Variants in EPHA6 observed in about 807,000 individuals in gnomAD.
EPHA6 encodes EPH receptor A6, also known as ephrin type-A receptor 6.
In EPHA6, 50 loss-of-function variants were observed where a neutral mutation model predicts 112.0. The observed-to-expected ratio is 0.45, with a 90% CI of 0.36 to 0.56. The LOEUF (loss-of-function observed/expected upper bound fraction) is 0.56, where lower values mean the gene tolerates loss of function less well. Among genes scored for constraint, EPHA6 ranks in the 20% least tolerant of loss-of-function variants. The pLI is 0.00. For missense variants in EPHA6, 1,280 were observed against 1,417.4 expected (o/e 0.90, Z 1.56); for synonymous variants, 529 against 490.7 (o/e 1.08, Z -1.03).
At chr3:97,156,226 C>T (rs2076286497) in intron 3 of EPHA6, among the ~76,000 whole-genome samples, 1 of 152,022 alleles carries the variant, frequency 6.6e-6, no homozygotes, top group South Asian at 2.1e-4. Flanking sequence ...TCTTTTAAAT[C>T]AGATGTGGGT....
intron 11 of EPHA6, among the ~76,000 whole-genome samples, chr3:97,585,795 T>C (rs1432465783): frequency 6.6e-6 from 1 of 151,182 alleles, no homozygotes; most frequent in East Asian, 1.9e-4. Flanking sequence ...ATTAGTTTAG[T>C]CAGACTCAGT....
intron 10 of EPHA6, among the ~76,000 whole-genome samples, chr3:97,509,685 A>T (rs2092329049): frequency 6.6e-6 from 1 of 151,812 alleles, no homozygotes; most frequent in African/African-American, 2.4e-5. Flanking sequence ...CTTCTCAAGG[A>T]GTATCTTTGT....
At chr3:97,314,902 C>A (rs184783240) in intron 5 of EPHA6, among the ~76,000 whole-genome samples, 2,773 of 151,740 alleles carry the variant, frequency 0.018, 30 homozygotes, top group Non-Finnish European at 0.032. Flanking sequence ...CCAGCTGCAT[C>A]TTTATCTAGC....
chr3:97,587,250 A>T (rs1374466727), intron 11 of EPHA6, among the ~76,000 whole-genome samples: 2 of 152,104 alleles, frequency 1.3e-5, no homozygotes, highest in Admixed American at 1.3e-4. Context: ...CAAAAAAAAA[A>T]AAAGAAACTA....
intron 6 of EPHA6, among the ~76,000 whole-genome samples, chr3:97,405,518 A>G (rs1336223075): frequency 2.0e-5 from 3 of 151,916 alleles, no homozygotes; most frequent in African/African-American, 4.8e-5. Context: ...GTCATGACCT[A>G]CTCTAGAGAG....
intron 2 of EPHA6, among the ~76,000 whole-genome samples, chr3:96,975,041 C>CTTT (rs1364570403): frequency 1.3e-5 from 2 of 152,012 alleles, no homozygotes; most frequent in Non-Finnish European, 2.9e-5. Context: ...AGGCTAGAGC[C>CTTT]TTTACTAGGG....
intron 5 of EPHA6, among the ~76,000 whole-genome samples, chr3:97,364,594 A>G (rs1252512559): frequency 6.6e-6 from 1 of 152,110 alleles, no homozygotes; most frequent in Non-Finnish European, 1.5e-5. Flanking sequence ...ATATAAAAAC[A>G]TAATTTATTT....
chr3:96,888,342 C>G (rs1002257689), intron 2 of EPHA6, among the ~76,000 whole-genome samples: 10 of 152,172 alleles, frequency 6.6e-5, no homozygotes, highest in Admixed American at 1.3e-4. Context: ...CTCCCACAAA[C>G]AGACCTTCAG....
intron 6 of EPHA6, among the ~76,000 whole-genome samples, chr3:97,426,168 G>A (rs1043439909): frequency 2.8e-4 from 43 of 152,200 alleles, no homozygotes; most frequent in African/African-American, 1.0e-3. Flanking sequence ...CCAATTTACT[G>A]TATTAGTCTA....
chr3:97,214,125 G>A (rs1261407190), intron 3 of EPHA6, among the ~76,000 whole-genome samples: 4 of 150,840 alleles, frequency 2.7e-5, no homozygotes, highest in African/African-American at 7.3e-5. Context: ...TGCAACCTCC[G>A]CCTCCCAGGT....
In EPHA6 at chr3:97,435,699, G is replaced by A. The variant is rs536554368; in HGVS notation, c.1732-12869G>A. On this transcript the variant is annotated intron_variant, in intron 6 of 17. Transcript: ENST00000389672. ...CTGCAGAACAGGGCTCTTCACTGCCGTGGAGTTATCTTTTACTCTAAATTT... is the reference window on the plus strand; with the variant it reads ...CTGCAGAACAGGGCTCTTCACTGCCATGGAGTTATCTTTTACTCTAAATTT... Among the ~76,000 whole-genome samples the A allele has an allele frequency of 7.2e-5, 11 of 152,238 alleles. No individual in the cohort carries two copies. In the South Asian group the frequency reaches 1.0e-3, roughly 14 times the overall value.
At chr3:97,561,174 T>C (rs1268522217) in intron 11 of EPHA6, among the ~76,000 whole-genome samples, 1 of 151,964 alleles carries the variant, frequency 6.6e-6, no homozygotes, top group African/African-American at 2.4e-5. Context: ...CTTACAATGG[T>C]CTCTAAGTGT....
chr3:97,727,734 G>A (rs962297477), intron 15 of EPHA6, among the ~76,000 whole-genome samples: 8 of 151,940 alleles, frequency 5.3e-5, no homozygotes, highest in East Asian at 1.9e-4. Flanking sequence ...AAAGGCCTTC[G>A]TTTTCCTAAC....
At position 97,607,329 on chromosome 3, in the gene EPHA6, AC is replaced by A. The variant is rs1204515226; in HGVS notation, c.2513-3462del. ...TATGATTATATAGTTTATCCACATC[AC>A]CTTTATCAAAATCATCATAAGTATT... is the stretch of plus-strand genomic sequence containing the variant. On this transcript the variant is annotated intron_variant, in intron 12 of 17. Coordinates refer to ENST00000389672, the MANE Select transcript of EPHA6 (RefSeq NM_001080448.3). Among the ~76,000 whole-genome samples the A allele has an allele frequency of 1.4e-4, 21 of 151,254 alleles. No individual in the cohort carries two copies. In the East Asian group the frequency reaches 2.9e-3, roughly 21 times the overall value.
intron 14 of EPHA6, among the ~76,000 whole-genome samples, chr3:97,648,970 T>C (rs1486188093): frequency 6.6e-6 from 1 of 152,080 alleles, no homozygotes; most frequent in Non-Finnish European, 1.5e-5. Context: ...GCCGAAAAAT[T>C]ACTTACACTC....
intron 14 of EPHA6, among the ~76,000 whole-genome samples, chr3:97,647,079 G>T (rs1274227305): frequency 6.6e-6 from 1 of 152,128 alleles, no homozygotes; most frequent in Non-Finnish European, 1.5e-5. Context: ...TCCTAGGAGG[G>T]ACAGGTTTCA....
intron 3 of EPHA6, among the ~76,000 whole-genome samples, chr3:97,059,188 A>G (rs1219536017): frequency 1.3e-5 from 2 of 152,216 alleles, no homozygotes; most frequent in Non-Finnish European, 2.9e-5. Flanking sequence ...TATGCCTCTT[A>G]GTATCTGATT....
chr3:96,930,165 T>A (rs1369273928), intron 2 of EPHA6, among the ~76,000 whole-genome samples: 1 of 152,244 alleles, frequency 6.6e-6, no homozygotes, highest in African/African-American at 2.4e-5. Flanking sequence ...TTACAATATG[T>A]TACTTTAGCT....
intron 3 of EPHA6, among the ~76,000 whole-genome samples, chr3:97,115,109 T>G (rs1308720836): frequency 1.3e-5 from 2 of 151,956 alleles, no homozygotes; most frequent in Non-Finnish European, 2.9e-5. Flanking sequence ...AAGTCAGCTA[T>G]CAAAAGGCCT....
Sources: allele counts gnomAD v4.1 joint callset (sites outside exome capture counted in the v4.1 genomes callset), GRCh38; gene constraint gnomAD v4.1.1; transcripts MANE v1.5; gene names NCBI Gene and HGNC (gene_info 2026-07-23, HGNC 2026-07-21).